ERAP2: variants seen among roughly 807,000 people sequenced by gnomAD.
The protein encoded by ERAP2 is leukocyte-derived arginine aminopeptidase.
In ERAP2, 118 loss-of-function variants were observed where a neutral mutation model predicts 111.1. The ratio of observed to expected loss-of-function variants is 1.06; its 90% CI spans 0.92 to 1.24. The LOEUF is 1.24. Ranked by LOEUF, ERAP2 falls within the 50% of genes most tolerant of loss-of-function variation. The pLI is 0.00. For synonymous variants in ERAP2, 410 were observed against 401.2 expected (o/e 1.02, Z -0.26); for missense variants, 1,131 against 1,125.8 (o/e 1.00, Z -0.07).
In ERAP2 at chr5:96,907,742, G is replaced by A. The variant is rs186357316; in HGVS notation, c.2013-1219G>A. ...ACTAATACTACAAAAAATTAGCTGG[G>A]CATGGTGGCACATGGCTATAATCCC... On this transcript the variant is annotated intron_variant, in intron 13 of 18. Transcript: ENST00000437043. Among the ~76,000 whole-genome samples, 966 of 152,166 alleles carry A rather than the reference G, an allele frequency of 6.3e-3. 6 individuals carry two copies. Among genetic ancestry groups the A allele is most frequent in the Non-Finnish European group, 0.01 (709 of 68,000 alleles).
intron 13 of ERAP2, among the ~76,000 whole-genome samples, chr5:96,905,428 G>T (rs1010970242): frequency 2.6e-5 from 4 of 152,084 alleles, no homozygotes; most frequent in African/African-American, 9.7e-5. Flanking sequence ...TAGTTGTTCT[G>T]AAATTTGTTT....
intron 4 of ERAP2, among the ~76,000 whole-genome samples, chr5:96,888,537 G>C (rs1231453894): frequency 6.6e-6 from 1 of 152,204 alleles, no homozygotes; most frequent in Non-Finnish European, 1.5e-5. Flanking sequence ...GTCAAAAAAT[G>C]GTGGCCGTTT....
chr5:96,883,998 A>C (rs1221898131), intron 3 of ERAP2, 68 bp downstream of exon 3: 1 of 1,446,382 alleles, frequency 6.9e-7, no homozygotes, highest in Non-Finnish European at 9.3e-7. Flanking sequence ...TTTGTTTTTT[A>C]AAATTGCTTT....
In ERAP2 at chr5:96,907,653, G is replaced by A. The variant is rs181214439; in HGVS notation, c.2013-1308G>A. Among the ~76,000 whole-genome samples the A allele has an allele frequency of 9.0e-3, 1,366 of 151,884 alleles. 28 individuals carry two copies. The highest frequency in any genetic ancestry group is 0.065 in the East Asian group (334 of 5,152). On this transcript the variant is annotated intron_variant, in intron 13 of 18. Transcript: ENST00000437043. ...TCCCAGCATTTTGGGAGGCCGAGGC[G>A]GGTGGATCACCTGAGGTCAGGAGTT...
At chr5:96,916,239 A>G (rs1460166254) in intron 18 of ERAP2, among the ~76,000 whole-genome samples, 3 of 116,222 alleles carry the variant, frequency 2.6e-5, no homozygotes, top group African/African-American at 9.3e-5. Flanking sequence ...AAAAAACAAA[A>G]ACAAAAACAA....
At chr5:96,897,007 A>G in intron 9 of ERAP2, 144 bp downstream of exon 9, 1 of 573,304 alleles carries the variant, frequency 1.7e-6, no homozygotes. Flanking sequence ...AGAAGGCAGC[A>G]CTTCCCTTTT....
At chr5:96,891,008 T>G (rs747986951) in intron 5 of ERAP2, among the ~76,000 whole-genome samples, 2 of 152,188 alleles carry the variant, frequency 1.3e-5, no homozygotes, top group Non-Finnish European at 2.9e-5. Context: ...GTCCCACTAC[T>G]ATAAAATCAT....
intron 4 of ERAP2, among the ~76,000 whole-genome samples, chr5:96,888,312 G>A (rs1246033569): frequency 6.6e-6 from 1 of 152,138 alleles, no homozygotes; most frequent in Non-Finnish European, 1.5e-5. Flanking sequence ...TGGATGTGCA[G>A]GAGGTGAATG....
chr5:96,910,522 G>A (rs1264161023), intron 15 of ERAP2, among the ~76,000 whole-genome samples: 1 of 151,352 alleles, frequency 6.6e-6, no homozygotes, highest in African/African-American at 2.4e-5. Context: ...GTTTCAATGG[G>A]TTGTATGAGT....
At chr5:96,904,664 A>C (rs1785847441) in intron 13 of ERAP2, among the ~76,000 whole-genome samples, 1 of 152,208 alleles carries the variant, frequency 6.6e-6, no homozygotes, top group Admixed American at 6.5e-5. Flanking sequence ...CTCAAAGGAG[A>C]AGCTCTGAGT....
At position 96,902,274 on chromosome 5, in the gene ERAP2, G is replaced by A. The variant is rs1300021004; in HGVS notation, c.1749G>A (p.Arg583=). The change falls in exon 12 of 19, where the codon AGG becomes AGA. Residue 583 remains arginine (R), a splice_region_variant and synonymous_variant. Transcript: ENST00000437043. The stretch of plus-strand genomic sequence containing the variant: ...TAACTATCTTTACTCTCTGTCATAG[G>A]TACCTGTGGCATATCCCATTGACCT... The part of the protein sequence containing the change: ...EDPEWRALQE[R]YLWHIPLTYS... 2 of 1,594,896 alleles carry A rather than the reference G, an allele frequency of 1.3e-6. No individual in the cohort carries two copies. Among genetic ancestry groups the A allele is most frequent in the African/African-American group, 1.3e-5 (1 of 74,492 alleles).
At chr5:96,912,278 T>C (rs1224980180) in intron 15 of ERAP2, among the ~76,000 whole-genome samples, 1 of 151,658 alleles carries the variant, frequency 6.6e-6, no homozygotes, top group Non-Finnish European at 1.5e-5. Context: ...AAAAAAAATC[T>C]TATAGCACCA....
Position 96,880,128 on chromosome 5 carries a change from T to G in ERAP2, c.443T>G (p.Ile148Ser), listed in dbSNP as rs1782981574. 1 of 1,613,992 alleles carries G rather than the reference T, an allele frequency of 6.2e-7. No individual in the cohort carries two copies. The highest frequency in any genetic ancestry group is 1.1e-5 in the South Asian group (1 of 91,088). The change falls in exon 2 of 19, where the codon ATT becomes AGT. Residue 148 changes from isoleucine to serine, a missense_variant. Ile to Ser is a moderately radical substitution (Grantham distance 142, BLOSUM62 -2). Around this residue, in one of 3 missense-constraint regions of ERAP2, gnomAD observed 847 missense variants for 856.5 expected, o/e 0.99. Transcript: ENST00000437043. Reference protein sequence around the residue: ...KVLSYPAHEQIALLVPEKLTP... With the variant: ...KVLSYPAHEQSALLVPEKLTP... ...TTGAGTTACCCTGCTCATGAACAAA[T>G]TGCACTGCTGGTTCCAGAGAAACTT...
chr5:96,887,028 T>C (rs891215804), intron 4 of ERAP2, among the ~76,000 whole-genome samples: 8 of 150,088 alleles, frequency 5.3e-5, no homozygotes, highest in Non-Finnish European at 1.2e-4. Flanking sequence ...TGGGTGTACA[T>C]AGTAACAGTA....
chr5:96,915,663 C>T lies in ERAP2; in HGVS notation c.2658-25C>T, dbSNP rs1581921041. 26 of 1,438,208 alleles carry T rather than the reference C, an allele frequency of 1.8e-5. 1 individual carries two copies. In the East Asian group the frequency reaches 6.1e-4, roughly 34 times the overall value. 89.1% of individuals were successfully genotyped at this position (1,438,208 alleles called of 1,614,324 possible). A position where few individuals can be genotyped will look rare whatever the true frequency, so the allele number is the denominator to read the frequency against. On this transcript the variant is annotated intron_variant, in intron 17 of 18. Transcript: ENST00000437043. ...ATAAGGTCAGTATTTCTATGACTTT[C>T]TATGGTGTTTCTTTTTATTTTCAGA...
chr5:96,876,436 T>C (rs1486466421), upstream of ERAP2: 1 of 152,332 alleles, frequency 6.6e-6, no homozygotes, highest in Non-Finnish European at 1.5e-5. Flanking sequence ...CTTACTGTAC[T>C]CAGGAAGCAT....
At chr5:96,881,516 T>G (rs777665960) in intron 2 of ERAP2, 200 of 455,010 alleles carry the variant, frequency 4.4e-4, no homozygotes, top group Middle Eastern at 3.6e-3. Context: ...TCTCACGTTA[T>G]GTGAATTGTG....
At chr5:96,887,634 A>G (rs1783898619) in intron 4 of ERAP2, among the ~76,000 whole-genome samples, 4 of 152,224 alleles carry the variant, frequency 2.6e-5, no homozygotes, top group Middle Eastern at 6.8e-3. Context: ...TTTTCCCTCA[A>G]TGAAAGAAGA....
At chr5:96,909,912 T>A in intron 15 of ERAP2, 148 bp downstream of exon 15, 1 of 715,852 alleles carries the variant, frequency 1.4e-6, no homozygotes, top group Non-Finnish European at 2.3e-6. Context: ...TGCTCTCACA[T>A]TGTAAGTGCT....
Sources: gnomAD v4.1 joint callset for allele counts (sites outside exome capture counted in the v4.1 genomes callset) on GRCh38, gnomAD v4.1.1 for gene constraint, gnomAD v4.1.1 regional missense constraint, MANE v1.5 for transcripts, NCBI Gene and HGNC (gene_info 2026-07-23, HGNC 2026-07-21) for gene names.